The following IL26 variants were observed in gnomAD, a reference collection of about 807,000 sequenced individuals.
The protein encoded by IL26 is interleukin 26, also known as interleukin-26.
IL26 carries 23 observed loss-of-function variants against 21.7 expected under a neutral mutation model. The ratio of observed to expected loss-of-function variants is 1.06; its 90% CI spans 0.76 to 1.50. The LOEUF (loss-of-function observed/expected upper bound fraction) is 1.50, where lower values mean the gene tolerates loss of function less well. IL26 is among the 40% of genes most tolerant of loss of function. IL26 has a pLI of 0.00. For missense variants in IL26, 204 were observed against 196.0 expected (o/e 1.04, Z -0.24); for synonymous variants, 63 against 67.8 (o/e 0.93, Z 0.34).
chr12:68,203,762 G>C (rs11571058), intron 3 of IL26, among the ~76,000 whole-genome samples: 1 of 152,258 alleles, frequency 6.6e-6, no homozygotes, highest in Admixed American at 6.5e-5. Context: ...GCTACCTTCA[G>C]ATCAGACCCT....
chr12:68,222,352 T>G (rs1039469024), intron 3 of IL26, among the ~76,000 whole-genome samples: 5 of 152,318 alleles, frequency 3.3e-5, no homozygotes, highest in African/African-American at 1.2e-4. Context: ...CAATGTTTTA[T>G]TGTTGGCATA....
Position 68,212,790 on chromosome 12 carries a change from G to A in IL26, c.364-10707C>T, listed in dbSNP as rs116991805. The stretch of plus-strand genomic sequence containing the variant: ...TTTTTTATCAGTTCTAACAGTTTAG[G>A]TAGAGTCTTTAGGATATTTTGAATA... On this transcript the variant is annotated intron_variant, in intron 3 of 4. Transcript: ENST00000229134. 3.5e-3 allele frequency among the ~76,000 whole-genome samples: 529 copies of A among 152,090 alleles called. 18 individuals are homozygous for A. In the East Asian group the frequency reaches 0.064, roughly 18 times the overall value.
intron 3 of IL26, among the ~76,000 whole-genome samples, chr12:68,211,521 C>A (rs1177056536): frequency 6.6e-6 from 1 of 152,188 alleles, no homozygotes; most frequent in Non-Finnish European, 1.5e-5. Flanking sequence ...TACATTCCCA[C>A]CAACAGTGTG....
chr12:68,224,048 C>G (rs12813085), intron 3 of IL26, among the ~76,000 whole-genome samples: 107 of 147,004 alleles, frequency 7.3e-4, no homozygotes, highest in Non-Finnish European at 1.4e-3. Context: ...CACCCCCCCC[C>G]TCTAATGGCC....
At chr12:68,214,528 A>G (rs979534172) in intron 3 of IL26, among the ~76,000 whole-genome samples, 1 of 152,200 alleles carries the variant, frequency 6.6e-6, no homozygotes, top group African/African-American at 2.4e-5. Flanking sequence ...TGTTGCATGC[A>G]TAGATATTTA....
At chr12:68,223,217 A>G (rs1203004711) in intron 3 of IL26, among the ~76,000 whole-genome samples, 1 of 152,208 alleles carries the variant, frequency 6.6e-6, no homozygotes, top group African/African-American at 2.4e-5. Flanking sequence ...ACTGATGCTC[A>G]CACTGATAGG....
chr12:68,215,948 T>G (rs1868865074), intron 3 of IL26, among the ~76,000 whole-genome samples: 1 of 150,854 alleles, frequency 6.6e-6, no homozygotes, highest in African/African-American at 2.4e-5. Flanking sequence ...CCTCCCAAAG[T>G]GCTGGGATTA....
At chr12:68,212,160 G>A (rs1022510395) in intron 3 of IL26, among the ~76,000 whole-genome samples, 1 of 151,978 alleles carries the variant, frequency 6.6e-6, no homozygotes, top group Non-Finnish European at 1.5e-5. Context: ...GTATATTCTT[G>A]GCACCTTTGT....
At chr12:68,202,532 A>G (rs11571063) in intron 3 of IL26, among the ~76,000 whole-genome samples, 1,526 of 152,356 alleles carry the variant, frequency 0.01, 30 homozygotes, top group African/African-American at 0.034. Context: ...CAATCACGGC[A>G]GAAGGTGAAG....
chr12:68,215,953 G>A (rs1470703844), intron 3 of IL26, among the ~76,000 whole-genome samples: 2 of 150,884 alleles, frequency 1.3e-5, no homozygotes, highest in Admixed American at 6.6e-5. Flanking sequence ...CAAAGTGCTG[G>A]GATTACAGGC....
At chr12:68,220,578 T>C (rs2120469408) in intron 3 of IL26, among the ~76,000 whole-genome samples, 1 of 152,316 alleles carries the variant, frequency 6.6e-6, no homozygotes, top group South Asian at 2.1e-4. Context: ...CACCAAAACA[T>C]GGTCCATTAA....
At chr12:68,208,794 C>A (rs1457419361) in intron 3 of IL26, among the ~76,000 whole-genome samples, 1 of 152,156 alleles carries the variant, frequency 6.6e-6, no homozygotes, top group African/African-American at 2.4e-5. Flanking sequence ...GCCACCACGC[C>A]CAGCCAGCAT....
chr12:68,204,505 C>G (rs1868479193), intron 3 of IL26, among the ~76,000 whole-genome samples: 1 of 152,086 alleles, frequency 6.6e-6, no homozygotes. Context: ...CTGGACACTA[C>G]CGAAGTTAAA....
intron 3 of IL26, among the ~76,000 whole-genome samples, chr12:68,217,296 C>T (rs567774652): frequency 1.3e-5 from 2 of 152,162 alleles, no homozygotes; most frequent in South Asian, 2.1e-4. Flanking sequence ...CTCAAGAAAA[C>T]GGACTTGCAA....
At position 68,202,014 on chromosome 12, in the gene IL26, T is replaced by C; in HGVS notation, c.429+4A>G. The C allele has an allele frequency of 6.4e-7, 1 of 1,566,700 alleles. No homozygotes were observed. Among genetic ancestry groups the C allele is most frequent in the Non-Finnish European group, 8.7e-7 (1 of 1,150,610 alleles). Reference sequence around the variant, plus strand: ...TTTTTAATATAAGGATTTAGAATTCTTACCCTATAAAATATTCTTTTCATC... The same window carrying C: ...TTTTTAATATAAGGATTTAGAATTCCTACCCTATAAAATATTCTTTTCATC... On this transcript the variant is annotated splice_donor_region_variant and intron_variant, in intron 4 of 4. Transcript: ENST00000229134.
chr12:68,215,117 A>G (rs1868839379), intron 3 of IL26, among the ~76,000 whole-genome samples: 1 of 152,230 alleles, frequency 6.6e-6, no homozygotes, highest in Non-Finnish European at 1.5e-5. Flanking sequence ...AAAAGGGACT[A>G]GAAACAAACC....
chr12:68,223,363 C>A (rs756039778), intron 3 of IL26, among the ~76,000 whole-genome samples: 18 of 152,148 alleles, frequency 1.2e-4, no homozygotes, highest in Non-Finnish European at 1.9e-4. Flanking sequence ...ACCAGAGCGG[C>A]GCCACACTGT....
intron 3 of IL26, among the ~76,000 whole-genome samples, chr12:68,224,559 A>C (rs1211189526): frequency 6.6e-6 from 1 of 151,628 alleles, no homozygotes; most frequent in Non-Finnish European, 1.5e-5. Flanking sequence ...GAAAAAGGGC[A>C]TCAGTTAGTT....
intron 3 of IL26, 100 bp from the exon 4 acceptor site, chr12:68,202,183 TGAGCA>T: frequency 1.4e-6 from 1 of 717,952 alleles, no homozygotes; most frequent in Non-Finnish European, 2.3e-6. Context: ...TATTATGTGC[TGAGCA>T]CTAGATATGC....
Sources: allele counts gnomAD v4.1 joint callset (sites outside exome capture counted in the v4.1 genomes callset), GRCh38; gene constraint gnomAD v4.1.1; transcripts MANE v1.5; gene names NCBI Gene and HGNC (gene_info 2026-07-23, HGNC 2026-07-21).